Variants in POLR2M observed in about 807,000 individuals in gnomAD.
The protein encoded by POLR2M is protein GRINL1A.
POLR2M carries 30 observed loss-of-function variants against 34.6 expected under a neutral mutation model. The observed-to-expected ratio is 0.87, with a 90% CI of 0.65 to 1.18. POLR2M has a LOEUF of 1.18. Among genes scored for constraint, POLR2M ranks in the 50% most tolerant of loss-of-function variants. The pLI, the probability that POLR2M is intolerant of heterozygous loss-of-function variation, is 0.00. For synonymous variants in POLR2M, 150 were observed against 166.7 expected (o/e 0.90, Z 0.77); for missense variants, 432 against 448.7 (o/e 0.96, Z 0.34).
rs1305575279 is a variant in POLR2M, at chr15:57,714,908, A to G, written c.*229A>G. ...CCACATGGTATTAAAATTTTGCAATATATTGTGTATTGGTCTGATATTTTA... is the reference window on the plus strand; with the variant it reads ...CCACATGGTATTAAAATTTTGCAATGTATTGTGTATTGGTCTGATATTTTA... On this transcript the variant is annotated 3_prime_UTR_variant, in exon 4 of 4. Coordinates refer to ENST00000299638, the MANE Select transcript of POLR2M (RefSeq NM_015532.5). 1 of 618,416 alleles carries G rather than the reference A, an allele frequency of 1.6e-6. No homozygotes were observed. The highest frequency in any genetic ancestry group is 3.3e-5 in the East Asian group (1 of 30,628). 38.3% of individuals were successfully genotyped at this position (618,416 alleles called of 1,614,324 possible). A position where few individuals can be genotyped will look rare whatever the true frequency, so the allele number is the denominator to read the frequency against.
chr15:57,713,983 G>T (rs771723325), intron 3 of POLR2M, among the ~76,000 whole-genome samples: 10 of 151,514 alleles, frequency 6.6e-5, no homozygotes, highest in African/African-American at 2.4e-4. Flanking sequence ...AACACGCCGG[G>T]TTCACAGGCA....
In POLR2M at chr15:57,709,150, A is replaced by G; in HGVS notation, c.550A>G (p.Thr184Ala). ...TCGTGTTTCAAGTCAAGCGGAAGAT[A>G]CTTCCAGCAGCTTTGACAACCTGTT... ...RHRVSSQAED[T>A]SSSFDNLFID... The change falls in exon 2 of 4, where the codon ACT (threonine) becomes GCT (alanine). Residue 184 changes from threonine (T) to alanine (A), a missense_variant. By Grantham distance (58) the Thr-to-Ala change is moderately conservative (BLOSUM62 0). Coordinates refer to ENST00000299638, the MANE Select transcript of POLR2M (RefSeq NM_015532.5). The G allele has an allele frequency of 6.2e-7, 1 of 1,614,242 alleles. No individual in the cohort carries two copies. The highest frequency in any genetic ancestry group is 1.1e-5 in the South Asian group (1 of 91,088).
chr15:57,712,466 G>C (rs1159785894), intron 3 of POLR2M, among the ~76,000 whole-genome samples: 2 of 152,162 alleles, frequency 1.3e-5, no homozygotes, highest in Non-Finnish European at 2.9e-5. Flanking sequence ...TTACCTGCCT[G>C]TTCCTGTTAG....
Position 57,709,290 on chromosome 15 carries a change from T to C in POLR2M, c.690T>C (p.His230=). The stretch of plus-strand genomic sequence containing the variant: ...CCAGTGGGACTGAGAAGAAACCTCA[T>C]TACATGGAAGTGCTAGAAATGCGAG... ...GLSSGTEKKP[H]YMEVLEMRAK... The change falls in exon 2 of 4, where the codon CAT becomes CAC. Residue 230 remains histidine, a synonymous_variant. Transcript: ENST00000299638. 1.9e-6 allele frequency: 3 copies of C among 1,614,132 alleles called. No individual in the cohort carries two copies. Among genetic ancestry groups the C allele is most frequent in the Non-Finnish European group, 2.5e-6 (3 of 1,180,016 alleles).
At chr15:57,708,664 C>G in intron 1 of POLR2M, 50 bp from the exon 2 acceptor site, 1 of 1,469,364 alleles carries the variant, frequency 6.8e-7, no homozygotes, top group Non-Finnish European at 9.1e-7. Flanking sequence ...TGTTATATCT[C>G]AAGTTAAAAA....
Position 57,715,407 on chromosome 15 carries a change from A to G in POLR2M, c.*728A>G, listed in dbSNP as rs1404390567. On this transcript the variant is annotated 3_prime_UTR_variant, in exon 4 of 4. Coordinates refer to ENST00000299638, the MANE Select transcript of POLR2M (RefSeq NM_015532.5). ...GAGTGCAGTGGCAGGATCTCGGCTC[A>G]CTGCAATCTAGGTGGAGGTCTTTTT... 1 of 151,986 alleles carries G rather than the reference A, an allele frequency of 6.6e-6. No homozygotes were observed. The highest frequency in any genetic ancestry group is 2.4e-5 in the African/African-American group (1 of 41,330). 9.4% of individuals were successfully genotyped at this position (151,986 alleles called of 1,614,324 possible).
rs1225533882 is a variant in POLR2M, at chr15:57,716,470, C to A, written c.*1791C>A. 1 of 152,278 alleles carries A rather than the reference C, an allele frequency of 6.6e-6. No individual in the cohort carries two copies. The highest frequency in any genetic ancestry group is 1.5e-5 in the Non-Finnish European group (1 of 68,048). 9.4% of individuals were successfully genotyped at this position (152,278 alleles called of 1,614,324 possible). On this transcript the variant is annotated 3_prime_UTR_variant, in exon 4 of 4. Transcript: ENST00000299638. ...TGAGAATTTTTATATATATTACTCA[C>A]TGCAGAGATCATGTTCATTTACATT...
rs1203551715 is a variant in POLR2M at position 57,715,205 on chromosome 15, T to C, written c.*526T>C. ...CTAGGAAGACATGTATGGAGAATGC[T>C]TAACAAATGCTCTTCTCCTTTTTCT... On this transcript the variant is annotated 3_prime_UTR_variant, in exon 4 of 4. Transcript: ENST00000299638. 1 of 153,042 alleles carries C rather than the reference T, an allele frequency of 6.5e-6. No individual in the cohort carries two copies. The highest frequency in any genetic ancestry group is 1.5e-5 in the Non-Finnish European group (1 of 68,340). 9.5% of individuals were successfully genotyped at this position (153,042 alleles called of 1,614,324 possible). A position where few individuals can be genotyped will look rare whatever the true frequency, so the allele number is the denominator to read the frequency against.
chr15:57,707,453 A>G (rs539342022), intron 1 of POLR2M: 8 of 585,016 alleles, frequency 1.4e-5, no homozygotes, highest in South Asian at 1.1e-4. Context: ...AATAAAAGTG[A>G]TTTTGTTTTT....
chr15:57,711,627 A>G (rs372140945), intron 2 of POLR2M, among the ~76,000 whole-genome samples: 19 of 152,034 alleles, frequency 1.2e-4, no homozygotes, highest in African/African-American at 3.9e-4. Context: ...TTATGTTCCA[A>G]TGTATCTTGT....
In POLR2M at chr15:57,716,933, C is replaced by T. The variant is rs149688664; in HGVS notation, c.*2254C>T. On this transcript the variant is annotated 3_prime_UTR_variant, in exon 4 of 4. Coordinates refer to ENST00000299638, the MANE Select transcript of POLR2M (RefSeq NM_015532.5). The stretch of plus-strand genomic sequence containing the variant: ...AGTATTTTCTTATTTCACTTTTACA[C>T]CTATCTTTAAAAGGAATTTAAATTT... 3.9e-5 allele frequency: 6 copies of T among 152,012 alleles called. No individual in the cohort carries two copies. Among genetic ancestry groups the T allele is most frequent in the Non-Finnish European group, 8.8e-5 (6 of 67,994 alleles). The allele number at this position is 152,012 out of a possible 1,614,324, so 9.4% of individuals were successfully genotyped here.
In POLR2M at chr15:57,717,070, G is replaced by A. The variant is rs1370424278; in HGVS notation, c.*2391G>A. 3.9e-5 allele frequency: 6 copies of A among 151,994 alleles called. No individual in the cohort carries two copies. Among genetic ancestry groups the A allele is most frequent in the Non-Finnish European group, 7.4e-5 (5 of 67,982 alleles). 9.4% of individuals were successfully genotyped at this position (151,994 alleles called of 1,614,324 possible). Reference sequence around the variant, plus strand: ...TAAGGTAGGGATTTGATTTTATTTCGAAGAATTTACCAATTGGTTCAGTAT... The same window carrying A: ...TAAGGTAGGGATTTGATTTTATTTCAAAGAATTTACCAATTGGTTCAGTAT... On this transcript the variant is annotated 3_prime_UTR_variant, in exon 4 of 4. Transcript: ENST00000299638.
intron 2 of POLR2M, among the ~76,000 whole-genome samples, chr15:57,711,418 C>G (rs2040707512): frequency 6.6e-6 from 1 of 152,128 alleles, no homozygotes; most frequent in African/African-American, 2.4e-5. Context: ...GGCTACTTCC[C>G]AGCCCTCTTT....
intron 1 of POLR2M, among the ~76,000 whole-genome samples, chr15:57,708,110 T>G (rs1393748242): frequency 6.6e-6 from 1 of 152,230 alleles, no homozygotes; most frequent in Non-Finnish European, 1.5e-5. Context: ...CAGGACTCCG[T>G]TATACTTTAA....
At chr15:57,712,884 T>A (rs1221901653) in intron 3 of POLR2M, among the ~76,000 whole-genome samples, 1 of 152,208 alleles carries the variant, frequency 6.6e-6, no homozygotes, top group South Asian at 2.1e-4. Context: ...TATTTAGTAA[T>A]AATTTTAGCC....
chr15:57,707,284 C>T, intron 1 of POLR2M: 1 of 818,182 alleles, frequency 1.2e-6, no homozygotes, highest in Non-Finnish European at 1.9e-6. Flanking sequence ...GCCCGCACCC[C>T]TAACCCATAA....
rs118054076 is a variant in POLR2M at position 57,710,551 on chromosome 15, G to A, written c.758+1193G>A. 1.2e-3 allele frequency among the ~76,000 whole-genome samples: 185 copies of A among 152,232 alleles called. 2 individuals are homozygous for A. The highest frequency in any genetic ancestry group is 8.9e-3 in the Admixed American group (136 of 15,298). ...AAAATCAGGATTATACTACATTAAC[G>A]TGATCAAGTACTCTCTTGTGTACAG... On this transcript the variant is annotated intron_variant, in intron 2 of 3. Coordinates refer to ENST00000299638, the MANE Select transcript of POLR2M (RefSeq NM_015532.5).
rs148701763 is a variant in POLR2M, at chr15:57,712,167, A to G, written c.942A>G (p.Lys314=). ...LSIEESLALQ[K]QQKQNYEEMQ... ...TAGAAGAATCCTTGGCACTTCAGAA[A>G]CAGCAGAAACAGAATTATGAGGTAT... Residue 314 remains lysine (K), a synonymous_variant, in exon 3 of 4, where the codon AAA becomes AAG. Transcript: ENST00000299638. 1.2e-4 allele frequency: 187 copies of G among 1,614,190 alleles called. 2 individuals are homozygous for G. The African/African-American group carries it at 2.3e-3, about 20-fold the overall frequency.
intron 2 of POLR2M, 86 bp downstream of exon 2, chr15:57,709,444 T>C: frequency 6.8e-7 from 1 of 1,471,946 alleles, no homozygotes; most frequent in Non-Finnish European, 9.2e-7. Flanking sequence ...GTGGTGGTGC[T>C]TGCCTGTAGT....
Sources: gnomAD v4.1 joint callset for allele counts (sites outside exome capture counted in the v4.1 genomes callset) on GRCh38, gnomAD v4.1.1 for gene constraint, MANE v1.5 for transcripts, NCBI Gene and HGNC (gene_info 2026-07-23, HGNC 2026-07-21) for gene names.